The following ARHGAP29 variants were observed in gnomAD, a reference collection of about 807,000 sequenced individuals.
ARHGAP29 encodes Rho GTPase activating protein 29.
A neutral mutation model predicts 122.6 loss-of-function variants in ARHGAP29; 43 were observed. That is an observed-to-expected ratio of 0.35 (90% CI 0.27 to 0.45). The LOEUF is 0.45. Among genes scored for constraint, ARHGAP29 ranks in the 20% least tolerant of loss-of-function variants. ARHGAP29 has a pLI of 1.00. For synonymous variants in ARHGAP29, 506 were observed against 497.1 expected, an observed-to-expected ratio of 1.02 and a Z score of -0.24; for missense variants, 1,303 against 1,477.2, an observed-to-expected ratio of 0.88 and a Z score of 1.93.
chr1:94,219,065 G>A (rs1409034511), intron 3 of ARHGAP29, among the ~76,000 whole-genome samples: 2 of 152,026 alleles, frequency 1.3e-5, no homozygotes, highest in Non-Finnish European at 2.9e-5. Flanking sequence ...ATTCAGCCTA[G>A]AGTGAGTTCC....
At chr1:94,250,708 A>G (rs942387995) in intron 1 of ARHGAP29, among the ~76,000 whole-genome samples, 1 of 152,256 alleles carries the variant, frequency 6.6e-6, no homozygotes, top group Non-Finnish European at 1.5e-5. Flanking sequence ...CTGTGCTGTC[A>G]TAAGGACAGG....
chr1:94,289,695 G>A, the ARHGAP29 span, among the ~76,000 whole-genome samples: 1 of 152,188 alleles, frequency 6.6e-6, no homozygotes. Flanking sequence ...AGAGTTTTCA[G>A]CATGAAAGGC....
At chr1:94,308,469 G>A in the ARHGAP29 span, among the ~76,000 whole-genome samples, 1 of 152,204 alleles carries the variant, frequency 6.6e-6, no homozygotes, top group Non-Finnish European at 1.5e-5. Context: ...TAATTCTACA[G>A]AAACACATAG....
chr1:94,214,099 G>A (rs139650386), intron 3 of ARHGAP29, among the ~76,000 whole-genome samples: 219 of 152,278 alleles, frequency 1.4e-3, no homozygotes, highest in African/African-American at 5.0e-3. Flanking sequence ...TCAGCCCTGA[G>A]TTCAAATCTG....
intron 1 of ARHGAP29, among the ~76,000 whole-genome samples, chr1:94,245,419 T>C (rs948641713): frequency 6.6e-6 from 1 of 152,014 alleles, no homozygotes; most frequent in African/African-American, 2.4e-5. Flanking sequence ...TAGGAAAAAA[T>C]CATAGATGAA....
At chr1:94,177,190 A>G (rs967516525) in intron 22 of ARHGAP29, 3 of 153,666 alleles carry the variant, frequency 2.0e-5, no homozygotes, top group African/African-American at 7.2e-5. Context: ...ATGTCAAAAA[A>G]AAAGTAGGAC....
At chr1:94,226,690 C>A (rs1652632357) in intron 2 of ARHGAP29, among the ~76,000 whole-genome samples, 1 of 151,790 alleles carries the variant, frequency 6.6e-6, no homozygotes, top group South Asian at 2.1e-4. Flanking sequence ...GAATCTAATA[C>A]ACCGAGAACT....
intron 1 of ARHGAP29, among the ~76,000 whole-genome samples, 173 bp from the exon 2 acceptor site, chr1:94,231,816 T>C (rs1652934805): frequency 1.3e-5 from 2 of 152,176 alleles, no homozygotes; most frequent in East Asian, 1.9e-4. Flanking sequence ...CACTGTATTA[T>C]TGATAATAGC....
the ARHGAP29 span, among the ~76,000 whole-genome samples, chr1:94,310,895 G>C: frequency 6.6e-6 from 1 of 152,140 alleles, no homozygotes. Flanking sequence ...CATGCCTGCT[G>C]TTTTCTTCCA....
At chr1:94,277,088 G>A (rs560568578), upstream of ARHGAP29, among the ~76,000 whole-genome samples, 16 of 152,238 alleles carry the variant, frequency 1.1e-4, no homozygotes, top group African/African-American at 9.6e-5. Flanking sequence ...AACCAGTTTC[G>A]ACACAGCAGG....
intron 2 of ARHGAP29, among the ~76,000 whole-genome samples, chr1:94,222,285 T>C (rs1446799509): frequency 6.6e-6 from 1 of 152,190 alleles, no homozygotes; most frequent in Non-Finnish European, 1.5e-5. Flanking sequence ...ACATATGACC[T>C]ATGCAGGCTA....
At chr1:94,239,650 T>G (rs368778394), upstream of ARHGAP29, among the ~76,000 whole-genome samples, 24 of 147,690 alleles carry the variant, frequency 1.6e-4, no homozygotes, top group African/African-American at 5.8e-4. Context: ...TGGAGAGAGA[T>G]AAGGAAGATA....
chr1:94,260,926 A>G (rs960537599), intron 1 of ARHGAP29, among the ~76,000 whole-genome samples: 1 of 152,292 alleles, frequency 6.6e-6, no homozygotes, highest in African/African-American at 2.4e-5. Flanking sequence ...TGTGAGGCAT[A>G]GCTGTGCAGC....
At chr1:94,307,055 A>G in the ARHGAP29 span, among the ~76,000 whole-genome samples, 1 of 152,190 alleles carries the variant, frequency 6.6e-6, no homozygotes, top group African/African-American at 2.4e-5. Flanking sequence ...AAACACAATT[A>G]TTTCTATTCT....
At chr1:94,286,719 A>C in the ARHGAP29 span, among the ~76,000 whole-genome samples, 2 of 152,174 alleles carry the variant, frequency 1.3e-5, no homozygotes, top group South Asian at 4.1e-4. Flanking sequence ...GAGGATGAAT[A>C]GATTTCAGAA....
At chr1:94,289,726 C>G in the ARHGAP29 span, among the ~76,000 whole-genome samples, 1 of 152,084 alleles carries the variant, frequency 6.6e-6, no homozygotes, top group Non-Finnish European at 1.5e-5. Context: ...TGTTGAAGGC[C>G]GTTTCTGCAT....
At chr1:94,192,138 T>C (rs938056909) in intron 12 of ARHGAP29, 1 of 152,140 alleles carries the variant, frequency 6.6e-6, no homozygotes, top group African/African-American at 2.4e-5. Flanking sequence ...TGAGATACAA[T>C]ATTAAACACT....
intron 1 of ARHGAP29, among the ~76,000 whole-genome samples, chr1:94,243,028 T>C (rs2100679776): frequency 6.6e-6 from 1 of 152,102 alleles, no homozygotes; most frequent in East Asian, 1.9e-4. Flanking sequence ...GTACCAAAAA[T>C]AGAGGTCCAG....
intron 1 of ARHGAP29, among the ~76,000 whole-genome samples, chr1:94,252,833 C>A (rs1654152906): frequency 6.6e-6 from 1 of 152,028 alleles, no homozygotes; most frequent in Non-Finnish European, 1.5e-5. Flanking sequence ...GATAAGAAAG[C>A]AAATACTGCT....
Sources: allele counts gnomAD v4.1 joint callset (sites outside exome capture counted in the v4.1 genomes callset), GRCh38; gene constraint gnomAD v4.1.1; transcripts MANE v1.5; gene names NCBI Gene and HGNC (gene_info 2026-07-23, HGNC 2026-07-21).